COL14A1: variants seen among roughly 807,000 people sequenced by gnomAD.
The protein encoded by COL14A1 is collagen type XIV alpha 1 chain, also known as collagen alpha-1(XIV) chain.
COL14A1 carries 136 observed loss-of-function variants against 230.3 expected under a neutral mutation model. That is an observed-to-expected ratio of 0.59 (90% CI 0.51 to 0.68). The LOEUF is 0.68. COL14A1 is among the 30% of genes least tolerant of loss of function. The pLI is 0.00. For synonymous variants in COL14A1, 792 were observed against 784.1 expected (o/e 1.01, Z -0.17); for missense variants, 1,976 against 2,215.8 (o/e 0.89, Z 2.17).
intron 26 of COL14A1, among the ~76,000 whole-genome samples, chr8:120,272,273 C>T (rs1315292187): frequency 6.6e-6 from 1 of 151,454 alleles, no homozygotes; most frequent in African/African-American, 2.4e-5. Context: ...CCAGACCAGC[C>T]CTATAAGAAA....
intron 36 of COL14A1, 118 bp from the exon 37 acceptor site, chr8:120,309,891 C>G: frequency 1.1e-6 from 1 of 883,948 alleles, no homozygotes; most frequent in Non-Finnish European, 1.8e-6. Flanking sequence ...TACTATTACA[C>G]AGTGTGTTGG....
intron 5 of COL14A1, among the ~76,000 whole-genome samples, chr8:120,168,973 A>C (rs1327350403): frequency 6.6e-6 from 1 of 152,042 alleles, no homozygotes; most frequent in Admixed American, 6.6e-5. Flanking sequence ...CTCCTCCCTC[A>C]GCCTCCTGAG....
intron 3 of COL14A1, among the ~76,000 whole-genome samples, chr8:120,159,411 A>T (rs1815584432): frequency 6.6e-6 from 1 of 152,212 alleles, no homozygotes; most frequent in Non-Finnish European, 1.5e-5. Flanking sequence ...TTCACACAGT[A>T]CATAATAAGT....
chr8:120,239,153 C>A (rs1346706024), intron 19 of COL14A1, among the ~76,000 whole-genome samples: 1 of 152,190 alleles, frequency 6.6e-6, no homozygotes, highest in Non-Finnish European at 1.5e-5. Flanking sequence ...TACACTATAT[C>A]ATTCCTTTCA....
rs755699078 is a variant in COL14A1, at chr8:120,332,136, G to A, written c.4660-5G>A. On this transcript the variant is annotated splice_region_variant and splice_polypyrimidine_tract_variant and intron_variant, in intron 40 of 47. Coordinates refer to ENST00000297848, the MANE Select transcript of COL14A1 (RefSeq NM_021110.4). The stretch of plus-strand genomic sequence containing the variant: ...TTGCTGACATGCTGTGTTTCTTTTC[G>A]CCAGGGCCTTCCGGGAAAGGATGGA... 1.3e-5 allele frequency: 21 copies of A among 1,613,756 alleles called. No homozygotes were observed. The highest frequency in any genetic ancestry group is 1.7e-5 in the Non-Finnish European group (20 of 1,179,880).
At chr8:120,158,035 G>C (rs943342975) in intron 2 of COL14A1, 95 bp from the exon 3 acceptor site, 1 of 656,916 alleles carries the variant, frequency 1.5e-6, no homozygotes, top group Non-Finnish European at 2.6e-6. Context: ...GAAGTCTTTT[G>C]TGTGTATTTT....
chr8:120,147,802 C>T lies in COL14A1; in HGVS notation c.-37-4C>T. 1 of 1,465,562 alleles carries T rather than the reference C, an allele frequency of 6.8e-7. No individual in the cohort carries two copies. The allele number at this position is 1,465,562 out of a possible 1,614,324, so 90.8% of individuals were successfully genotyped here. On this transcript the variant is annotated splice_polypyrimidine_tract_variant and splice_region_variant and intron_variant, in intron 1 of 47. Transcript: ENST00000297848. ...AAAAATGTTCCTGTTCTCTCTGTTTCTAGGTGGCTGCTACACCCCATGTAA... is the reference window on the plus strand; with the variant it reads ...AAAAATGTTCCTGTTCTCTCTGTTTTTAGGTGGCTGCTACACCCCATGTAA...
At chr8:120,190,880 C>T (rs1237492400) in intron 5 of COL14A1, among the ~76,000 whole-genome samples, 2 of 151,652 alleles carry the variant, frequency 1.3e-5, no homozygotes, top group Admixed American at 6.6e-5. Context: ...TCTGTGGGAT[C>T]GGTGGTGATA....
chr8:120,355,200 C>T (rs979778068), intron 45 of COL14A1, among the ~76,000 whole-genome samples: 5 of 152,076 alleles, frequency 3.3e-5, no homozygotes, highest in Admixed American at 2.0e-4. Flanking sequence ...AATTACAGAT[C>T]GTTTTCTTTT....
At chr8:120,166,919 T>TGTGTGTG (rs1554600757) in intron 4 of COL14A1, among the ~76,000 whole-genome samples, 68 of 143,954 alleles carry the variant, frequency 4.7e-4, no homozygotes, top group African/African-American at 1.6e-3. Flanking sequence ...TGTGTGTGTG[T>TGTGTGTG]GTGGTGGTGA....
chr8:120,326,857 C>G (rs973589898), intron 40 of COL14A1, among the ~76,000 whole-genome samples: 1 of 152,072 alleles, frequency 6.6e-6, no homozygotes, highest in African/African-American at 2.4e-5. Context: ...GAAATCCTGT[C>G]TCTACAAAAA....
In COL14A1 at chr8:120,191,813, C is replaced by T. The variant is rs575622146; in HGVS notation, c.437-4978C>T. Among the ~76,000 whole-genome samples, 622 of 152,208 alleles carry T rather than the reference C, an allele frequency of 4.1e-3. 2 individuals carry two copies. The highest frequency in any genetic ancestry group is 0.014 in the African/African-American group (590 of 41,508). On this transcript the variant is annotated intron_variant, in intron 5 of 47. Coordinates refer to ENST00000297848, the MANE Select transcript of COL14A1 (RefSeq NM_021110.4). ...ACAATTATGTAATGGCCTTCTTTGT[C>T]TCTTTTGATCTTTGATGGTTTAAAG... is the stretch of plus-strand genomic sequence containing the variant.
intron 18 of COL14A1, among the ~76,000 whole-genome samples, chr8:120,230,131 C>T (rs1052206268): frequency 1.3e-5 from 2 of 152,146 alleles, no homozygotes; most frequent in Non-Finnish European, 2.9e-5. Flanking sequence ...TTCCTTCATC[C>T]TTGGCCTCCC....
At chr8:120,165,272 A>G (rs1336656367) in intron 4 of COL14A1, among the ~76,000 whole-genome samples, 1 of 152,218 alleles carries the variant, frequency 6.6e-6, no homozygotes, top group African/African-American at 2.4e-5. Flanking sequence ...GATCCAGGAA[A>G]GTGGTGATCA....
chr8:120,126,696 A>G (rs1316147618), intron 1 of COL14A1, among the ~76,000 whole-genome samples: 1 of 152,214 alleles, frequency 6.6e-6, no homozygotes, highest in Non-Finnish European at 1.5e-5. Context: ...AAACCCAGCA[A>G]ACAGGCTTTA....
At chr8:120,341,642 C>T (rs1006203558) in intron 43 of COL14A1, among the ~76,000 whole-genome samples, 1 of 152,042 alleles carries the variant, frequency 6.6e-6, no homozygotes. Context: ...AGAGAATCAC[C>T]GTCATATAAT....
intron 30 of COL14A1, 56 bp downstream of exon 30, chr8:120,280,805 G>C: frequency 6.4e-7 from 1 of 1,558,634 alleles, no homozygotes; most frequent in Non-Finnish European, 8.7e-7. Context: ...CTCTCAATTG[G>C]GGATGGGGTT....
At chr8:120,149,331 A>G (rs1563636301) in intron 2 of COL14A1, among the ~76,000 whole-genome samples, 1 of 152,222 alleles carries the variant, frequency 6.6e-6, no homozygotes. Flanking sequence ...TGCATCCACA[A>G]ATTGCTATTA....
intron 46 of COL14A1, 151 bp from the exon 47 acceptor site, chr8:120,369,179 G>A (rs553097544): frequency 1.5e-6 from 1 of 653,354 alleles, no homozygotes; most frequent in African/African-American, 1.9e-5. Context: ...AGGGAATCCA[G>A]TCTACAAAAA....
Sources: gnomAD v4.1 joint callset for allele counts (sites outside exome capture counted in the v4.1 genomes callset) on GRCh38, gnomAD v4.1.1 for gene constraint, MANE v1.5 for transcripts, NCBI Gene and HGNC (gene_info 2026-07-23, HGNC 2026-07-21) for gene names.